Variants in FGGY observed in about 807,000 individuals in gnomAD.
FGGY encodes the protein FGGY carbohydrate kinase domain-containing protein.
A neutral mutation model predicts 71.3 loss-of-function variants in FGGY; 72 were observed. The observed-to-expected ratio is 1.01, with a 90% CI of 0.84 to 1.23. The LOEUF (loss-of-function observed/expected upper bound fraction) is 1.23. FGGY is among the 50% of genes most tolerant of loss of function. The pLI is 0.00. For missense variants in FGGY, 668 were observed against 682.3 expected (o/e 0.98, Z 0.23); for synonymous variants, 251 against 250.3 (o/e 1.00, Z -0.02).
At chr1:59,580,216 TA>T (rs1335869579) in intron 8 of FGGY, among the ~76,000 whole-genome samples, 1 of 152,218 alleles carries the variant, frequency 6.6e-6, no homozygotes, top group Non-Finnish European at 1.5e-5. Context: ...CACTGGACTG[TA>T]AGTTCCATGA....
intron 5 of FGGY, among the ~76,000 whole-genome samples, chr1:59,445,096 G>A (rs879508381): frequency 6.6e-6 from 1 of 152,140 alleles, no homozygotes; most frequent in Non-Finnish European, 1.5e-5. Context: ...TAATATCTGT[G>A]CCTGGTACAT....
chr1:59,706,735 T>C (rs907347404), intron 14 of FGGY, among the ~76,000 whole-genome samples: 14 of 152,192 alleles, frequency 9.2e-5, no homozygotes. Context: ...ACTGGTAGAA[T>C]GTGGCCTCCA....
intron 5 of FGGY, among the ~76,000 whole-genome samples, chr1:59,388,676 A>C (rs1376731777): frequency 6.6e-6 from 1 of 152,204 alleles, no homozygotes; most frequent in Admixed American, 6.5e-5. Flanking sequence ...TATAGTATAC[A>C]TAATTACATA....
chr1:59,675,617 T>C (rs1025534319), intron 14 of FGGY, among the ~76,000 whole-genome samples: 7 of 152,202 alleles, frequency 4.6e-5, no homozygotes, highest in African/African-American at 1.7e-4. Context: ...GTCTCGTCCT[T>C]TCTCAAAAAT....
chr1:59,422,505 G>A (rs947302934), intron 5 of FGGY, among the ~76,000 whole-genome samples: 2 of 151,830 alleles, frequency 1.3e-5, no homozygotes, highest in Non-Finnish European at 2.9e-5. Context: ...GACCAGCCTG[G>A]GCAACATGGA....
At chr1:59,462,606 T>A (rs1008977235) in intron 6 of FGGY, among the ~76,000 whole-genome samples, 2 of 152,004 alleles carry the variant, frequency 1.3e-5, no homozygotes, top group Non-Finnish European at 2.9e-5. Flanking sequence ...CAAGCAAATT[T>A]ACAAGGAAAA....
chr1:59,338,862 C>T (rs78698736), intron 2 of FGGY, among the ~76,000 whole-genome samples: 2,218 of 152,126 alleles, frequency 0.015, 57 homozygotes, highest in African/African-American at 0.051. Context: ...AATTATTCTC[C>T]AAAGTTTGTT....
At chr1:59,609,662 A>G (rs2096655883) in intron 9 of FGGY, among the ~76,000 whole-genome samples, 1 of 152,236 alleles carries the variant, frequency 6.6e-6, no homozygotes. Flanking sequence ...ACTCTTCTAA[A>G]TGTTCAGCCA....
chr1:59,711,104 T>C (rs969445206), intron 14 of FGGY, among the ~76,000 whole-genome samples: 1 of 152,172 alleles, frequency 6.6e-6, no homozygotes, highest in African/African-American at 2.4e-5. Flanking sequence ...TGGAATACTA[T>C]GCAGCCATAA....
intron 6 of FGGY, among the ~76,000 whole-genome samples, chr1:59,496,189 G>C (rs2094024801): frequency 6.6e-6 from 1 of 152,052 alleles, no homozygotes; most frequent in African/African-American, 2.4e-5. Context: ...TCGTTGTAGA[G>C]ATCTTTCACC....
intron 6 of FGGY, among the ~76,000 whole-genome samples, chr1:59,469,696 T>G (rs2092838262): frequency 6.6e-6 from 1 of 152,124 alleles, no homozygotes; most frequent in Non-Finnish European, 1.5e-5. Flanking sequence ...GTCACCCAGG[T>G]ATTAAGCCTA....
At chr1:59,399,104 A>G (rs2061647259) in intron 5 of FGGY, among the ~76,000 whole-genome samples, 3 of 152,298 alleles carry the variant, frequency 2.0e-5, no homozygotes, top group East Asian at 3.9e-4. Flanking sequence ...CTTCATCTGT[A>G]TAGTGGGCAT....
At chr1:59,592,645 T>G (rs1285584191) in intron 8 of FGGY, among the ~76,000 whole-genome samples, 1 of 151,980 alleles carries the variant, frequency 6.6e-6, no homozygotes, top group East Asian at 1.9e-4. Context: ...GGGACATGGA[T>G]GAAATTGGAA....
At chr1:59,488,231 A>G (rs370413065) in intron 6 of FGGY, among the ~76,000 whole-genome samples, 3 of 152,020 alleles carry the variant, frequency 2.0e-5, no homozygotes, top group African/African-American at 7.2e-5. Flanking sequence ...TTTTTTCTCT[A>G]GTATGTAAAT....
intron 11 of FGGY, among the ~76,000 whole-genome samples, chr1:59,651,323 C>T (rs1407233318): frequency 1.1e-4 from 16 of 151,124 alleles, no homozygotes; most frequent in African/African-American, 3.7e-4. Flanking sequence ...CTTTCTGTCT[C>T]GTTGATCTGT....
rs1162736309 is a variant in FGGY, at chr1:59,336,806, T to C, written c.202-3152T>C. 2.6e-5 allele frequency among the ~76,000 whole-genome samples: 4 copies of C among 152,130 alleles called. No homozygotes were observed. In the East Asian group the frequency reaches 7.7e-4, roughly 29 times the overall value. ...AATCTGTAGGTTAATTTGAAGAGATTACCATCTGAACAATGTTGAATTTTC... is the reference window on the plus strand; with the variant it reads ...AATCTGTAGGTTAATTTGAAGAGATCACCATCTGAACAATGTTGAATTTTC... On this transcript the variant is annotated intron_variant, in intron 2 of 15. Transcript: ENST00000303721.
chr1:59,514,807 TC>T (rs1301070577), intron 7 of FGGY, among the ~76,000 whole-genome samples: 1 of 152,132 alleles, frequency 6.6e-6, no homozygotes, highest in Non-Finnish European at 1.5e-5. Context: ...TTATGAGACC[TC>T]CCCAGCCATG....
chr1:59,362,338 T>G (rs2055721471), intron 4 of FGGY, among the ~76,000 whole-genome samples: 1 of 152,180 alleles, frequency 6.6e-6, no homozygotes, highest in African/African-American at 2.4e-5. Flanking sequence ...TCCTGCCTCC[T>G]ATTTCTTCTC....
intron 2 of FGGY, among the ~76,000 whole-genome samples, chr1:59,337,005 G>GTATATGTATATATTCATATATATATATT (rs1201952052): frequency 2.1e-5 from 3 of 141,686 alleles, no homozygotes; most frequent in African/African-American, 8.6e-5. Flanking sequence ...GTACATGTAT[G>GTATATGTATATATTCATATATATATATT]TATATGTATA....
Sources: gnomAD v4.1 joint callset for allele counts (sites outside exome capture counted in the v4.1 genomes callset) on GRCh38, gnomAD v4.1.1 for gene constraint, MANE v1.5 for transcripts, NCBI Gene and HGNC (gene_info 2026-07-23, HGNC 2026-07-21) for gene names.